Variants in DMD observed in about 807,000 individuals in gnomAD.
The protein encoded by DMD is dystrophin.
DMD carries 63 observed loss-of-function variants against 330.1 expected under a neutral mutation model. That is an observed-to-expected ratio of 0.19 (90% CI 0.16 to 0.24). DMD has a LOEUF of 0.24. DMD is among the 10% of genes least tolerant of loss of function. The pLI is 1.00. For missense variants in DMD, 3,344 were observed against 2,684.1 expected, an observed-to-expected ratio of 1.25 and a Z score of -5.43; for synonymous variants, 1,223 against 959.8, an observed-to-expected ratio of 1.27 and a Z score of -5.07.
intron 17 of DMD, among the ~76,000 whole-genome samples, chrX:32,525,335 T>C (rs1179622850): frequency 5.4e-5 from 6 of 111,407 alleles, no homozygotes; most frequent in Non-Finnish European, 9.4e-5. Context: ...CATTGTTTTC[T>C]CTCCAATATT....
chrX:32,707,479 C>G (rs1328393056), intron 7 of DMD, among the ~76,000 whole-genome samples: 1 of 111,415 alleles, frequency 9.0e-6, no homozygotes. Context: ...AATGAAAATT[C>G]GCAACCAACT....
chrX:31,843,461 G>GATGAGTGA (rs1186319323), intron 48 of DMD, among the ~76,000 whole-genome samples: 2 of 111,963 alleles, frequency 1.8e-5, no homozygotes, highest in Non-Finnish European at 3.8e-5. Context: ...TTTCTCTAAT[G>GATGAGTGA]ATGAGTGATG....
intron 42 of DMD, among the ~76,000 whole-genome samples, chrX:32,300,264 C>T (rs1386173142): frequency 1.8e-5 from 2 of 111,685 alleles, no homozygotes; most frequent in Non-Finnish European, 3.8e-5. Context: ...TATGGTCAGA[C>T]GTGAGCTATT....
chrX:32,384,742 A>G (rs926162161), intron 33 of DMD, among the ~76,000 whole-genome samples: 2 of 110,744 alleles, frequency 1.8e-5, no homozygotes, highest in East Asian at 5.7e-4. Context: ...ATGGACATTC[A>G]TATTTCTGTC....
chrX:33,010,073 A>T lies in DMD; in HGVS notation c.93+10066T>A, dbSNP rs201511224. Among the ~76,000 whole-genome samples the T allele has an allele frequency of 1.1e-4, 6 of 53,671 alleles. 1 individual carries two copies. Among genetic ancestry groups the T allele is most frequent in the Non-Finnish European group, 1.5e-4 (5 of 32,480 alleles). The allele number at this position is 53,671 out of a possible 115,157, so 46.6% of individuals were successfully genotyped here. On this transcript the variant is annotated intron_variant, in intron 2 of 78. Transcript: ENST00000357033. ...GTATATATACGTGTATATATACACA[A>T]ATGTGCACATGTGTATATATACATG...
chrX:32,852,729 G>A (rs1603448820), intron 2 of DMD, among the ~76,000 whole-genome samples: 1 of 110,877 alleles, frequency 9.0e-6, no homozygotes, highest in Non-Finnish European at 1.9e-5. Flanking sequence ...CTTGGGCCTT[G>A]AGTGAACATC....
chrX:32,560,624 G>C (rs951285862), intron 16 of DMD, among the ~76,000 whole-genome samples: 1 of 110,892 alleles, frequency 9.0e-6, no homozygotes, highest in African/African-American at 3.3e-5. Context: ...AGTGTGTGTT[G>C]TTCTCTTCCC....
chrX:32,750,510 T>C (rs1298535577), intron 7 of DMD, among the ~76,000 whole-genome samples: 2 of 111,316 alleles, frequency 1.8e-5, no homozygotes, highest in Admixed American at 1.9e-4. Flanking sequence ...GATACCTGTA[T>C]TGTATTTCTT....
At chrX:31,979,516 T>G (rs2095461408) in intron 44 of DMD, among the ~76,000 whole-genome samples, 1 of 112,253 alleles carries the variant, frequency 8.9e-6, no homozygotes. Context: ...GTGGTGAAAC[T>G]GCAGAATTTT....
intron 44 of DMD, among the ~76,000 whole-genome samples, chrX:32,033,599 C>G (rs5002832): frequency 1.5e-4 from 5 of 33,132 alleles, no homozygotes; most frequent in Admixed American, 3.5e-4. Flanking sequence ...GACAGACAGA[C>G]AGACAGAAAG....
rs529865464 is a variant in DMD at position 32,718,295 on chromosome X, T to C, written c.650-19002A>G. Among the ~76,000 whole-genome samples the C allele has an allele frequency of 2.6e-3, 292 of 111,072 alleles. 1 individual carries two copies. Among genetic ancestry groups the C allele is most frequent in the South Asian group, 0.02 (52 of 2,622 alleles). On this transcript the variant is annotated intron_variant, in intron 7 of 78. Transcript: ENST00000357033. ...GCAGATTTCCCTCTTACTGTTCCAA[T>C]GATAGTGAGTTCTCATGATATCTGG...
intron 47 of DMD, among the ~76,000 whole-genome samples, chrX:31,918,916 C>T (rs933042514): frequency 2.7e-5 from 3 of 111,864 alleles, no homozygotes; most frequent in African/African-American, 9.7e-5. Flanking sequence ...GGATTACAGG[C>T]GTGAGCCACC....
At chrX:32,498,097 A>G (rs1228844310) in intron 19 of DMD, among the ~76,000 whole-genome samples, 1 of 111,540 alleles carries the variant, frequency 9.0e-6, no homozygotes, top group African/African-American at 3.2e-5. Context: ...ACATGAATAT[A>G]TAAATACATC....
At chrX:31,221,557 G>A (rs1351475973) in intron 64 of DMD, among the ~76,000 whole-genome samples, 1 of 112,666 alleles carries the variant, frequency 8.9e-6, no homozygotes, top group Non-Finnish European at 1.9e-5. Context: ...ACAGTTAGCT[G>A]TTCACATAGT....
intron 44 of DMD, among the ~76,000 whole-genome samples, chrX:32,175,335 A>G (rs1222223271): frequency 9.1e-6 from 1 of 110,467 alleles, no homozygotes; most frequent in East Asian, 2.9e-4. Flanking sequence ...GTAGGATTCT[A>G]AAAGTAGCCA....
At chrX:31,368,388 A>G (rs1349311188) in intron 60 of DMD, among the ~76,000 whole-genome samples, 1 of 111,947 alleles carries the variant, frequency 8.9e-6, no homozygotes, top group Admixed American at 9.5e-5. Flanking sequence ...GCAGGGGTGC[A>G]CTGGAGAGGA....
At position 31,654,926 on chromosome X, in the gene DMD, T is replaced by G. The variant is rs186891912; in HGVS notation, c.8027+3064A>C. ...GAACTTAAAAGTGAAAAAATAAAAA[T>G]AAAAATAAAAAAGAAAATGTATAAA... On this transcript the variant is annotated intron_variant, in intron 54 of 78. Coordinates refer to ENST00000357033, the MANE Select transcript of DMD (RefSeq NM_004006.3). Among the ~76,000 whole-genome samples the G allele has an allele frequency of 7.6e-3, 838 of 109,867 alleles. 5 individuals are homozygous for G. The highest frequency in any genetic ancestry group is 0.026 in the African/African-American group (783 of 30,210).
At chrX:32,983,562 CACACACACACACATAT>C (rs1279233789) in intron 2 of DMD, among the ~76,000 whole-genome samples, 4 of 80,612 alleles carry the variant, frequency 5.0e-5, no homozygotes, top group African/African-American at 4.4e-4. Context: ...CACACACACA[CACACACACACACATAT>C]AGGAACACCG....
At chrX:31,887,707 C>T (rs1055055796) in intron 47 of DMD, among the ~76,000 whole-genome samples, 3 of 111,557 alleles carry the variant, frequency 2.7e-5, no homozygotes, top group Admixed American at 1.9e-4. Context: ...CATTAGACAC[C>T]GTCAGTTATT....
Sources: gnomAD v4.1 joint callset for allele counts (sites outside exome capture counted in the v4.1 genomes callset) on GRCh38, gnomAD v4.1.1 for gene constraint, MANE v1.5 for transcripts, NCBI Gene and HGNC (gene_info 2026-07-23, HGNC 2026-07-21) for gene names.